Variants in CFAP43 observed in about 807,000 individuals in gnomAD.
CFAP43 encodes cilia- and flagella-associated protein 43.
Under a neutral mutation model 218.9 loss-of-function variants are expected in CFAP43, and 155 were observed. The observed-to-expected ratio is 0.71, with a 90% confidence interval of 0.62 to 0.81. The LOEUF is 0.81. Ranked by LOEUF, CFAP43 falls within the 30% of genes least tolerant of loss-of-function variation. CFAP43 has a pLI of 0.00. For synonymous variants in CFAP43, 645 were observed against 681.3 expected (o/e 0.95, Z 0.83); for missense variants, 1,778 against 1,954.3 (o/e 0.91, Z 1.70).
chr10:104,161,797 C>G (rs766666425), intron 26 of CFAP43, among the ~76,000 whole-genome samples, 164 bp downstream of exon 26: 1 of 152,084 alleles, frequency 6.6e-6, no homozygotes, highest in Admixed American at 6.5e-5. Flanking sequence ...TAAGCCACCA[C>G]GCCAGGCCCT....
At chr10:104,150,000 C>T (rs556294332) in intron 28 of CFAP43, among the ~76,000 whole-genome samples, 2 of 152,232 alleles carry the variant, frequency 1.3e-5, no homozygotes, top group Admixed American at 6.5e-5. Context: ...ATAAATTTGC[C>T]GTTTTAGAAA....
intron 3 of CFAP43, among the ~76,000 whole-genome samples, chr10:104,224,450 C>A (rs1172477321): frequency 6.6e-6 from 1 of 151,684 alleles, no homozygotes; most frequent in Non-Finnish European, 1.5e-5. Flanking sequence ...TTAGTTATAC[C>A]TCAATAAAGC....
intron 5 of CFAP43, among the ~76,000 whole-genome samples, chr10:104,208,409 T>C (rs2090758972): frequency 6.6e-6 from 1 of 152,230 alleles, no homozygotes; most frequent in Admixed American, 6.5e-5. Context: ...TTTCTGGCCT[T>C]GGTATGTTAA....
At chr10:104,146,205 C>T in intron 30 of CFAP43, 58 bp downstream of exon 30, 1 of 1,412,484 alleles carries the variant, frequency 7.1e-7, no homozygotes. Flanking sequence ...AACCTTCCTC[C>T]AATCCAGGCA....
chr10:104,197,929 T>C lies in CFAP43; in HGVS notation c.1205A>G (p.Tyr402Cys). ...AIDFITPGTQYFMTLTYSGEI... is the reference protein window; with the variant it reads ...AIDFITPGTQCFMTLTYSGEI... ...CAGTAAAATATTCTTTACCATGAAGTATTGGGTTCCAGGTGTGATAAAGTC... is the reference window on the plus strand; with the variant it reads ...CAGTAAAATATTCTTTACCATGAAGCATTGGGTTCCAGGTGTGATAAAGTC... The change falls in exon 9 of 38, where the codon TAC (tyrosine) becomes TGC (cysteine). Residue 402 changes from tyrosine (Y) to cysteine (C), a missense_variant. Tyr to Cys is a radical substitution (Grantham distance 194, BLOSUM62 -2). This residue lies in a region of CFAP43 where 1,553 missense variants were observed against 1,685.2 expected (regional missense o/e 0.92). Coordinates refer to ENST00000357060, the MANE Select transcript of CFAP43 (RefSeq NM_025145.7). 6.3e-7 allele frequency: 1 copy of C among 1,594,722 alleles called. No homozygotes were observed. The highest frequency in any genetic ancestry group is 8.6e-7 in the Non-Finnish European group (1 of 1,162,890).
chr10:104,229,450 C>T (rs11191959), intron 2 of CFAP43, among the ~76,000 whole-genome samples: 18,910 of 148,950 alleles, frequency 0.13, 1,305 homozygotes, highest in South Asian at 0.21. Context: ...GCCAGGAGTT[C>T]GAGACCAGCC....
chr10:104,166,531 A>T lies in CFAP43; in HGVS notation c.2996T>A (p.Leu999His). 6.2e-7 allele frequency: 1 copy of T among 1,613,970 alleles called. No individual in the cohort carries two copies. Among genetic ancestry groups the T allele is most frequent in the Admixed American group, 1.7e-5 (1 of 60,004 alleles). The stretch of plus-strand genomic sequence containing the variant: ...GTTGATTTTCTCTTCTCTGGAATGA[A>T]GCTCCAATTGGCTTGACAATAAAGA... ...DTSLLSSQLE[L>H]HSREEKINQI... Residue 999 changes from leucine to histidine, a missense_variant, in exon 23 of 38, where the codon CTT (leucine) becomes CAT (histidine). By Grantham distance (99) the Leu-to-His change is moderately conservative. Transcript: ENST00000357060.
chr10:104,184,128 T>C (rs921513008), intron 16 of CFAP43, among the ~76,000 whole-genome samples: 1 of 152,230 alleles, frequency 6.6e-6, no homozygotes, highest in Non-Finnish European at 1.5e-5. Context: ...GAAAGAAGTC[T>C]AGCATGGCTG....
intron 28 of CFAP43, among the ~76,000 whole-genome samples, chr10:104,151,964 C>T (rs1175726964): frequency 2.0e-5 from 3 of 152,092 alleles, no homozygotes; most frequent in Non-Finnish European, 4.4e-5. Context: ...TAATTTTTTC[C>T]TCAGAATTTA....
intron 19 of CFAP43, among the ~76,000 whole-genome samples, chr10:104,178,305 G>A (rs1488328884): frequency 2.0e-5 from 3 of 152,162 alleles, no homozygotes; most frequent in Admixed American, 2.0e-4. Flanking sequence ...GTATTTGATT[G>A]TATTGAGAAG....
chr10:104,230,642 A>AGGTTTT lies in CFAP43; in HGVS notation c.261_266dup (p.Lys88_Pro89dup), dbSNP rs751612289. 26 of 1,613,962 alleles carry AGGTTTT rather than the reference A, an allele frequency of 1.6e-5. No homozygotes were observed. Among genetic ancestry groups the AGGTTTT allele is most frequent in the Non-Finnish European group, 2.2e-5 (26 of 1,180,028 alleles). ...CTGGAAAGCTGTATACGTAGATGAG[A>AGGTTTT]GGTTTTAGCTTCCGGTCAGAAAAAG... On this transcript the variant is annotated inframe_insertion, in exon 2 of 38. Coordinates refer to ENST00000357060, the MANE Select transcript of CFAP43 (RefSeq NM_025145.7).
intron 31 of CFAP43, among the ~76,000 whole-genome samples, chr10:104,144,991 G>C (rs761276074): frequency 9.9e-5 from 15 of 152,222 alleles, no homozygotes; most frequent in Non-Finnish European, 1.8e-4. Context: ...TACACTTGGA[G>C]ATCCAAAGGC....
chr10:104,180,662 G>C (rs2089803404), intron 17 of CFAP43, among the ~76,000 whole-genome samples: 3 of 151,992 alleles, frequency 2.0e-5, no homozygotes, highest in African/African-American at 7.3e-5. Context: ...AGCCAGGATG[G>C]TCTTGATCTC....
intron 12 of CFAP43, 103 bp downstream of exon 12, chr10:104,192,096 C>A: frequency 2.4e-6 from 2 of 842,838 alleles, no homozygotes; most frequent in South Asian, 1.8e-5. Context: ...GAAAATATGC[C>A]ACAAATAATT....
intron 22 of CFAP43, 78 bp downstream of exon 22, chr10:104,167,543 C>G (rs1476866125): frequency 9.2e-7 from 1 of 1,086,600 alleles, no homozygotes; most frequent in African/African-American, 1.6e-5. Flanking sequence ...AAATTACATC[C>G]CAACTCAAAC....
chr10:104,178,645 T>G (rs73333213), intron 19 of CFAP43, among the ~76,000 whole-genome samples: 302 of 151,922 alleles, frequency 2.0e-3, no homozygotes, highest in African/African-American at 6.3e-3. Context: ...ACAGCCCAAA[T>G]GAAAAAGTAG....
At chr10:104,216,110 T>A (rs1487541719) in intron 3 of CFAP43, among the ~76,000 whole-genome samples, 4 of 152,208 alleles carry the variant, frequency 2.6e-5, no homozygotes, top group African/African-American at 9.6e-5. Context: ...TCAAACTTTT[T>A]GAGCAAGTTG....
rs2087119403 is a variant in CFAP43, at chr10:104,130,325, A to G, written c.4832-20T>C. 2 of 1,595,540 alleles carry G rather than the reference A, an allele frequency of 1.3e-6. No homozygotes were observed. Among genetic ancestry groups the G allele is most frequent in the African/African-American group, 2.7e-5 (2 of 73,950 alleles). On this transcript the variant is annotated intron_variant, in intron 37 of 37. Transcript: ENST00000357060. ...TAGACCCTATCCCAAAAATGAATAA[A>G]GGAATTCGATTATTTATCAATACTT...
At chr10:104,167,525 C>A (rs930832994) in intron 22 of CFAP43, 96 bp downstream of exon 22, 2 of 866,620 alleles carry the variant, frequency 2.3e-6, no homozygotes, top group Non-Finnish European at 3.4e-6. Flanking sequence ...CATACAATAC[C>A]TAAACTTAAA....
Sources: gnomAD v4.1 joint callset for allele counts (sites outside exome capture counted in the v4.1 genomes callset) on GRCh38, gnomAD v4.1.1 for gene constraint, gnomAD v4.1.1 regional missense constraint, MANE v1.5 for transcripts, NCBI Gene and HGNC (gene_info 2026-07-23, HGNC 2026-07-21) for gene names.